PIK3R4: variants seen among roughly 807,000 people sequenced by gnomAD.
PIK3R4 encodes the protein phosphoinositide 3-kinase regulatory subunit 4.
In PIK3R4, 46 loss-of-function variants were observed where a neutral mutation model predicts 136.5. That is an observed-to-expected ratio of 0.34 (90% CI 0.27 to 0.43). PIK3R4 has a LOEUF of 0.43. Among genes scored for constraint, PIK3R4 ranks in the 20% least tolerant of loss-of-function variants. The probability of loss-of-function intolerance (pLI) is 1.00; values close to 1 mark genes in which losing one functional copy is unlikely to be tolerated. For missense variants in PIK3R4, 1,331 were observed against 1,649.5 expected (o/e 0.81, Z 3.35); for synonymous variants, 557 against 566.7 (o/e 0.98, Z 0.24).
At position 130,681,004 on chromosome 3, in the gene PIK3R4, A is replaced by G. The variant is rs774329439; in HGVS notation, c.3770T>C (p.Leu1257Pro). Residue 1257 changes from leucine (L) to proline (P), a missense_variant, in exon 18 of 20, where the codon CTA (leucine) becomes CCA (proline). Around this residue, in one of 2 missense-constraint regions of PIK3R4, gnomAD observed 1,180 missense variants for 1,407.0 expected, o/e 0.84. Transcript: ENST00000356763. Reference sequence around the variant, plus strand: ...TATTTTCATATCTGAGCCAGCTGTTAGTAGGATAGGATTTCCATCTGCAGG... The same window carrying G: ...TATTTTCATATCTGAGCCAGCTGTTGGTAGGATAGGATTTCCATCTGCAGG... ...CSPADGNPIL[L>P]TAGSDMKIRF... 6.3e-7 allele frequency: 1 copy of G among 1,579,976 alleles called. No homozygotes were observed. Among genetic ancestry groups the G allele is most frequent in the Non-Finnish European group, 8.7e-7 (1 of 1,154,728 alleles).
chr3:130,690,684 T>C (rs936169624), intron 13 of PIK3R4, 30 bp from the exon 14 acceptor site: 6 of 1,406,934 alleles, frequency 4.3e-6, no homozygotes, highest in Non-Finnish European at 6.0e-6. Flanking sequence ...AATTCATTTA[T>C]GAACCAATGT....
At position 130,681,630 on chromosome 3, in the gene PIK3R4, A is replaced by T. The variant is rs1474506600; in HGVS notation, c.3608-39T>A. On this transcript the variant is annotated intron_variant, in intron 16 of 19. Transcript: ENST00000356763. ...AGGCCAGAATCTTGACTCAGACAAA[A>T]AGAGTTGGAGAAGATTACAACAAAA... is the stretch of plus-strand genomic sequence containing the variant. 1.1e-5 allele frequency: 14 copies of T among 1,254,156 alleles called. No individual in the cohort carries two copies. In the Middle Eastern group the frequency reaches 2.3e-3, roughly 204 times the overall value. 77.7% of individuals were successfully genotyped at this position (1,254,156 alleles called of 1,614,324 possible). A position where few individuals can be genotyped will look rare whatever the true frequency, so the allele number is the denominator to read the frequency against.
At chr3:130,735,303 G>A (rs2107620278) in intron 3 of PIK3R4, among the ~76,000 whole-genome samples, 1 of 152,212 alleles carries the variant, frequency 6.6e-6, no homozygotes, top group Middle Eastern at 3.4e-3. Flanking sequence ...AACTGACTTA[G>A]AAAAGATGCC....
chr3:130,705,919 AT>A, intron 11 of PIK3R4, 148 bp from the exon 12 acceptor site: 2 of 513,236 alleles, frequency 3.9e-6, no homozygotes, highest in East Asian at 6.3e-5. Context: ...TTACAATTAC[AT>A]TTTTTAGTGA....
chr3:130,716,336 C>T (rs2066664317), intron 9 of PIK3R4, 60 bp downstream of exon 9: 1 of 1,319,754 alleles, frequency 7.6e-7, no homozygotes, highest in African/African-American at 1.5e-5. Flanking sequence ...ACTAAATGGA[C>T]ACTTCAATAT....
At chr3:130,745,619 A>G (rs2066848045) in intron 1 of PIK3R4, among the ~76,000 whole-genome samples, 3 of 152,214 alleles carry the variant, frequency 2.0e-5, no homozygotes. Context: ...ATGAGCCTTT[A>G]CTATGTGTTC....
chr3:130,726,060 ATTT>A lies in PIK3R4; in HGVS notation c.1807+2400_1807+2402del, dbSNP rs528553079. On this transcript the variant is annotated intron_variant, in intron 6 of 19. Coordinates refer to ENST00000356763, the MANE Select transcript of PIK3R4 (RefSeq NM_014602.3). ...CACATTCTTTAACACAGTAATTAAA[ATTT>A]TTTTACTTCTATCCTAAGAAAATAA... 6.6e-5 allele frequency: 10 copies of A among 152,124 alleles called. No individual in the cohort carries two copies. The East Asian group carries it at 1.7e-3, about 26-fold the overall frequency. The allele number at this position is 152,124 out of a possible 1,614,324, so 9.4% of individuals were successfully genotyped here.
chr3:130,703,758 G>A lies in PIK3R4; in HGVS notation c.3063C>T (p.Asn1021=). ...TGGTCTTCCCCTCCATCTTTTGACT[G>A]TTCCAGATTTTCACTGTGCCATCAT... ...CSNDGTVKIW[N]SQKMEGKTTT... The change falls in exon 13 of 20, where the codon AAC becomes AAT. Residue 1021 remains asparagine, a synonymous_variant. Coordinates refer to ENST00000356763, the MANE Select transcript of PIK3R4 (RefSeq NM_014602.3). 6.2e-7 allele frequency: 1 copy of A among 1,613,338 alleles called. No homozygotes were observed.
chr3:130,694,584 C>A (rs1255991216), intron 13 of PIK3R4, among the ~76,000 whole-genome samples: 1 of 152,034 alleles, frequency 6.6e-6, no homozygotes, highest in African/African-American at 2.4e-5. Flanking sequence ...CTATTCATTG[C>A]TACCATAAAG....
At chr3:130,711,231 G>GCACA (rs376043971) in intron 9 of PIK3R4, among the ~76,000 whole-genome samples, 5 of 150,908 alleles carry the variant, frequency 3.3e-5, no homozygotes, top group South Asian at 2.1e-4. Context: ...ACACACGCAC[G>GCACA]CACACACACA....
chr3:130,707,379 C>T (rs1464477032), intron 10 of PIK3R4, among the ~76,000 whole-genome samples: 1 of 152,046 alleles, frequency 6.6e-6, no homozygotes, highest in African/African-American at 2.4e-5. Flanking sequence ...TAATTACTTC[C>T]TAGTTTCCCA....
intron 9 of PIK3R4, among the ~76,000 whole-genome samples, chr3:130,714,827 T>G (rs1228281632): frequency 2.0e-5 from 3 of 152,204 alleles, no homozygotes; most frequent in Non-Finnish European, 2.9e-5. Flanking sequence ...ATGTACCACA[T>G]TTTCTCATCC....
intron 19 of PIK3R4, 129 bp from the exon 20 acceptor site, chr3:130,679,614 C>A (rs1405928892): frequency 3.3e-6 from 2 of 603,374 alleles, no homozygotes; most frequent in Non-Finnish European, 2.9e-6. Context: ...GTCATGCTTT[C>A]ACGAATACAT....
intron 16 of PIK3R4, among the ~76,000 whole-genome samples, chr3:130,683,712 C>A (rs1023598976): frequency 6.6e-6 from 1 of 152,070 alleles, no homozygotes; most frequent in African/African-American, 2.4e-5. Context: ...TAGTTGTGTG[C>A]TAGAGTATGT....
intron 2 of PIK3R4, among the ~76,000 whole-genome samples, chr3:130,736,478 A>G (rs951573366): frequency 6.6e-6 from 1 of 152,184 alleles, no homozygotes; most frequent in Non-Finnish European, 1.5e-5. Flanking sequence ...CTGAGGCACA[A>G]GAATCACTTA....
chr3:130,746,006 C>A (rs1027378846), intron 1 of PIK3R4, among the ~76,000 whole-genome samples: 4 of 150,436 alleles, frequency 2.7e-5, no homozygotes, highest in Non-Finnish European at 4.4e-5. Flanking sequence ...GGTGACAGAG[C>A]GAGACTCCGT....
chr3:130,708,975 T>C (rs1037987660), intron 9 of PIK3R4, among the ~76,000 whole-genome samples: 3 of 152,122 alleles, frequency 2.0e-5, no homozygotes, highest in Non-Finnish European at 4.4e-5. Context: ...ATATAAAATA[T>C]ACCATGCAAC....
At chr3:130,716,679 A>T in intron 8 of PIK3R4, 80 bp from the exon 9 acceptor site, 1 of 814,764 alleles carries the variant, frequency 1.2e-6, no homozygotes, top group Non-Finnish European at 1.9e-6. Context: ...ACAACTTGAG[A>T]AAAGTTAACA....
chr3:130,722,705 A>C (rs4682602), intron 7 of PIK3R4, among the ~76,000 whole-genome samples: 2,084 of 152,072 alleles, frequency 0.014, 65 homozygotes, highest in Admixed American at 0.082. Context: ...TCAAGTGCCC[A>C]AAAATAATTT....
Sources: allele counts gnomAD v4.1 joint callset (sites outside exome capture counted in the v4.1 genomes callset), GRCh38; gene constraint gnomAD v4.1.1; regional missense constraint gnomAD v4.1.1; transcripts MANE v1.5; gene names NCBI Gene and HGNC (gene_info 2026-07-23, HGNC 2026-07-21).